The following JMJD1C variants were observed in gnomAD, a reference collection of about 807,000 sequenced individuals.
JMJD1C encodes the protein jumonji domain-containing protein 1C.
In JMJD1C, 31 loss-of-function variants were observed where a neutral mutation model predicts 245.3. The ratio of observed to expected loss-of-function variants is 0.13; its 90% CI spans 0.09 to 0.17. The LOEUF is 0.17. Among genes scored for constraint, JMJD1C ranks in the 10% least tolerant of loss-of-function variants. JMJD1C has a pLI of 1.00. For missense variants in JMJD1C, 2,691 were observed against 3,000.2 expected, an observed-to-expected ratio of 0.90 and a Z score of 2.41; for synonymous variants, 1,057 against 1,017.4, an observed-to-expected ratio of 1.04 and a Z score of -0.74.
intron 4 of JMJD1C, 149 bp from the exon 5 acceptor site, chr10:63,217,480 C>A (rs1848126532): frequency 1.7e-6 from 1 of 586,584 alleles, no homozygotes; most frequent in South Asian, 2.9e-5. Context: ...AATATCCTTT[C>A]AAATGAATCA....
intron 1 of JMJD1C, among the ~76,000 whole-genome samples, chr10:63,486,486 G>A (rs1049934088): frequency 2.0e-5 from 3 of 152,080 alleles, no homozygotes; most frequent in Non-Finnish European, 4.4e-5. Context: ...ACGGAAAATG[G>A]ATAGAAATAA....
At chr10:63,500,718 T>G (rs72837056) in intron 1 of JMJD1C, among the ~76,000 whole-genome samples, 20,953 of 151,304 alleles carry the variant, frequency 0.14, 2,089 homozygotes, top group Admixed American at 0.29. Context: ...AGAGCAAGAC[T>G]GTCTCGATGG....
At chr10:63,180,149 A>AG (rs1410154406) in intron 22 of JMJD1C, among the ~76,000 whole-genome samples, 1 of 152,136 alleles carries the variant, frequency 6.6e-6, no homozygotes, top group East Asian at 1.9e-4. Flanking sequence ...CTGGGACTAC[A>AG]GGCACCCGCC....
chr10:63,335,307 T>C (rs1028793109), intron 2 of JMJD1C, among the ~76,000 whole-genome samples: 2 of 152,118 alleles, frequency 1.3e-5, no homozygotes, highest in African/African-American at 4.8e-5. Context: ...TTAAAAATGG[T>C]GATAATGTAG....
chr10:63,305,153 G>C (rs1463153994), intron 2 of JMJD1C, among the ~76,000 whole-genome samples: 1 of 151,832 alleles, frequency 6.6e-6, no homozygotes, highest in Non-Finnish European at 1.5e-5. Flanking sequence ...CGGATCACAA[G>C]GTCAGGAGAT....
intron 2 of JMJD1C, among the ~76,000 whole-genome samples, chr10:63,309,310 T>C (rs959733807): frequency 6.6e-6 from 1 of 151,174 alleles, no homozygotes; most frequent in African/African-American, 2.4e-5. Context: ...CTGGCCAACA[T>C]GGTGAAACCC....
chr10:63,314,702 T>C (rs937263051), intron 2 of JMJD1C, among the ~76,000 whole-genome samples: 9 of 151,962 alleles, frequency 5.9e-5, no homozygotes, highest in South Asian at 2.1e-4. Context: ...GGCTGGAGTG[T>C]AATGGTGCGA....
chr10:63,324,413 G>C (rs1271755093), intron 2 of JMJD1C, among the ~76,000 whole-genome samples: 1 of 152,122 alleles, frequency 6.6e-6, no homozygotes, highest in Non-Finnish European at 1.5e-5. Context: ...CTGTGGAGGA[G>C]ATAATAGTAC....
chr10:63,408,509 C>G (rs1460726533), intron 1 of JMJD1C, among the ~76,000 whole-genome samples: 1 of 151,826 alleles, frequency 6.6e-6, no homozygotes, highest in East Asian at 1.9e-4. Flanking sequence ...TATAAAAGAT[C>G]AAAAACCAGA....
At chr10:63,226,669 C>T (rs1379202046) in intron 3 of JMJD1C, among the ~76,000 whole-genome samples, 1 of 137,456 alleles carries the variant, frequency 7.3e-6, no homozygotes, top group Non-Finnish European at 1.5e-5. Flanking sequence ...AAGCTATAAT[C>T]GTGCCACTGT....
intron 2 of JMJD1C, among the ~76,000 whole-genome samples, chr10:63,285,255 G>A (rs987524058): frequency 2.6e-5 from 4 of 152,172 alleles, no homozygotes; most frequent in African/African-American, 9.7e-5. Context: ...CCTCTCCTCA[G>A]AACCCAGACT....
intron 2 of JMJD1C, among the ~76,000 whole-genome samples, chr10:63,377,297 G>A (rs1946818924): frequency 1.3e-5 from 2 of 152,176 alleles, no homozygotes; most frequent in African/African-American, 4.8e-5. Context: ...TTGCAAGACA[G>A]AAAATGTTCT....
intron 3 of JMJD1C, among the ~76,000 whole-genome samples, chr10:63,244,127 C>G (rs1851862870): frequency 6.6e-6 from 1 of 152,154 alleles, no homozygotes; most frequent in African/African-American, 2.4e-5. Flanking sequence ...ACTACCATCC[C>G]CAGTCCTGGA....
At chr10:63,460,456 C>T (rs577590884) in intron 1 of JMJD1C, among the ~76,000 whole-genome samples, 26 of 152,076 alleles carry the variant, frequency 1.7e-4, no homozygotes, top group African/African-American at 6.0e-4. Flanking sequence ...GAGTTCCAGG[C>T]GGCAGTGAGC....
At position 63,512,084 on chromosome 10, in the gene JMJD1C, G is replaced by C. The variant is rs535675782; in HGVS notation, n.113+9654C>G. Among the ~76,000 whole-genome samples the C allele has an allele frequency of 2.0e-4, 30 of 152,196 alleles. 1 individual carries two copies. The highest frequency in any genetic ancestry group is 6.5e-5 in the Admixed American group (1 of 15,290). Reference sequence around the variant, plus strand: ...TCCTAAATTCACTCTTTCATCTGTTGCATCATTGCTGTCATTCATTTCACT... The same window carrying C: ...TCCTAAATTCACTCTTTCATCTGTTCCATCATTGCTGTCATTCATTTCACT... On this transcript the variant is annotated intron_variant and non_coding_transcript_variant, in intron 1 of 3. Transcript: ENST00000633035.
At chr10:63,347,595 AAAAG>A (rs1415976604) in intron 2 of JMJD1C, among the ~76,000 whole-genome samples, 16 of 150,168 alleles carry the variant, frequency 1.1e-4, no homozygotes, top group Admixed American at 2.7e-4. Flanking sequence ...AAAAAAAAAA[AAAAG>A]AAAGAAAAGA....
At chr10:63,402,373 TTG>T (rs1259253234) in intron 1 of JMJD1C, among the ~76,000 whole-genome samples, 1 of 152,192 alleles carries the variant, frequency 6.6e-6, no homozygotes, top group Non-Finnish European at 1.5e-5. Flanking sequence ...TTTTTAAAAA[TTG>T]TTAGTCCTTT....
chr10:63,461,059 T>C (rs1952761277), intron 1 of JMJD1C, among the ~76,000 whole-genome samples: 2 of 152,152 alleles, frequency 1.3e-5, no homozygotes, highest in South Asian at 4.1e-4. Flanking sequence ...TTAACAACAT[T>C]TACTGGGCGA....
At chr10:63,400,743 G>A (rs1006172796) in intron 1 of JMJD1C, among the ~76,000 whole-genome samples, 1 of 152,062 alleles carries the variant, frequency 6.6e-6, no homozygotes, top group Non-Finnish European at 1.5e-5. Flanking sequence ...TGTACTTTTA[G>A]TAGAGACGGG....
Sources: allele counts gnomAD v4.1 joint callset (sites outside exome capture counted in the v4.1 genomes callset), GRCh38; gene constraint gnomAD v4.1.1; transcripts MANE v1.5; gene names NCBI Gene and HGNC (gene_info 2026-07-23, HGNC 2026-07-21).